The following PITX1 variants were observed in gnomAD, a reference collection of about 807,000 sequenced individuals.
PITX1 encodes paired like homeodomain 1, also known as pituitary homeobox 1.
In PITX1, 5 loss-of-function variants were observed where a neutral mutation model predicts 24.1. The ratio of observed to expected loss-of-function variants is 0.21; its 90% CI spans 0.11 to 0.44. The LOEUF (loss-of-function observed/expected upper bound fraction) is 0.44, where lower values mean the gene tolerates loss of function less well. PITX1 is among the 20% of genes least tolerant of loss of function. The pLI is 0.99. For missense variants in PITX1, 401 were observed against 455.4 expected, an observed-to-expected ratio of 0.88 and a Z score of 1.09; for synonymous variants, 213 against 208.9, an observed-to-expected ratio of 1.02 and a Z score of -0.17.
rs559073196 is a variant in PITX1, at chr5:135,032,995, G to A, written c.169+718C>T. 169 of 450,684 alleles carry A rather than the reference G, an allele frequency of 3.7e-4. 2 individuals are homozygous for A. Among genetic ancestry groups the A allele is most frequent in the African/African-American group, 2.9e-3 (142 of 49,630 alleles). The allele number at this position is 450,684 out of a possible 1,614,324, so 27.9% of individuals were successfully genotyped here. ...CACTGCCCGCGCCGGCCACCCGCGG[G>A]CCCAGTTCGCTGCTGGAAAAAAGCT... On this transcript the variant is annotated intron_variant, in intron 1 of 2. Coordinates refer to ENST00000265340, the MANE Select transcript of PITX1 (RefSeq NM_002653.5).
chr5:135,031,282 G>T lies in PITX1; in HGVS notation c.396C>A (p.Arg132=). The change falls in exon 2 of 3, where the codon CGC becomes CGA. Residue 132 remains arginine (R), a synonymous_variant. Coordinates refer to ENST00000265340, the MANE Select transcript of PITX1 (RefSeq NM_002653.5). ...GCGCGCACCCCTTGCTCACCCGCAC[G>T]CGCGGCTCGGTGAGGTTGGTCCACA... ...IAVWTNLTEP[R]VRVWFKNRRA... 6.2e-7 allele frequency: 1 copy of T among 1,613,884 alleles called. No homozygotes were observed. The highest frequency in any genetic ancestry group is 1.1e-5 in the South Asian group (1 of 91,084).
At position 135,033,606 on chromosome 5, in the gene PITX1, G is replaced by T; in HGVS notation, c.169+107C>A. 8.8e-7 allele frequency: 1 copy of T among 1,132,928 alleles called. No homozygotes were observed. Among genetic ancestry groups the T allele is most frequent in the Non-Finnish European group, 1.3e-6 (1 of 781,116 alleles). 70.2% of individuals were successfully genotyped at this position (1,132,928 alleles called of 1,614,324 possible). A position where few individuals can be genotyped will look rare whatever the true frequency, so the allele number is the denominator to read the frequency against. On this transcript the variant is annotated intron_variant, in intron 1 of 2. Coordinates refer to ENST00000265340, the MANE Select transcript of PITX1 (RefSeq NM_002653.5). This position sits in a 1 kb window ranked among gnomAD's most constrained non-coding sequence, Gnocchi z 5.9. Reference sequence around the variant, plus strand: ...AGAAAGCTCCTGACGCTTCTGGGGCGGAGAGGGAGCTTGGTTGCGCGGCGC... The same window carrying T: ...AGAAAGCTCCTGACGCTTCTGGGGCTGAGAGGGAGCTTGGTTGCGCGGCGC...
At chr5:135,034,735 C>T, upstream of PITX1, 1 of 152,490 alleles carries the variant, frequency 6.6e-6, no homozygotes, top group Non-Finnish European at 1.5e-5. Flanking sequence ...GAGCCCGGGG[C>T]CCGTTCCGGC....
In PITX1 at chr5:135,029,191, C is replaced by CCGG. The variant is rs757660279; in HGVS notation, c.530_532dup (p.Ala177dup). On this transcript the variant is annotated inframe_insertion, in exon 3 of 3. Transcript: ENST00000265340. ...GGCGGCCCAGTTGTTGTAGGAGTAG[C>CCGG]CGGCGGCGTACACGTCCTCGTAGGG... 6.2e-7 allele frequency: 1 copy of CCGG among 1,614,220 alleles called. No individual in the cohort carries two copies. Among genetic ancestry groups the CCGG allele is most frequent in the South Asian group, 1.1e-5 (1 of 91,088 alleles).
At chr5:135,029,848 G>T (rs533918415) in intron 2 of PITX1, among the ~76,000 whole-genome samples, 7 of 152,248 alleles carry the variant, frequency 4.6e-5, no homozygotes, top group South Asian at 4.2e-4. Flanking sequence ...CCACCCCACT[G>T]TCTGAACCTC....
rs1752516493 is a variant in PITX1, at chr5:135,033,977, G to C, written c.-96C>G. The C allele has an allele frequency of 3.7e-6, 3 of 818,444 alleles. No homozygotes were observed. The highest frequency in any genetic ancestry group is 3.8e-5 in the East Asian group (1 of 26,118). The allele number at this position is 818,444 out of a possible 1,614,324, so 50.7% of individuals were successfully genotyped here. On this transcript the variant is annotated 5_prime_UTR_variant, in exon 1 of 3. Coordinates refer to ENST00000265340, the MANE Select transcript of PITX1 (RefSeq NM_002653.5). The surrounding 1 kb of genome is among the most constrained non-coding windows in gnomAD (Gnocchi z 5.9). The stretch of plus-strand genomic sequence containing the variant: ...GCGGGGACAAGAGCGCAGCGCCTAA[G>C]CGGCTGCCCTCCAGGGCTGCCGGCG...
rs767928697 is a variant in PITX1 at position 135,028,772 on chromosome 5, G to T, written c.*7C>A. ...CGGCCGCCGGCCCGCGTGGTGCGGC[G>T]GGGCGGTCAGCTGTTGTACTGGCAC... On this transcript the variant is annotated 3_prime_UTR_variant, in exon 3 of 3. Coordinates refer to ENST00000265340, the MANE Select transcript of PITX1 (RefSeq NM_002653.5). 3.9e-6 allele frequency: 6 copies of T among 1,555,362 alleles called. No homozygotes were observed. The African/African-American group carries it at 6.8e-5, about 18-fold the overall frequency.
chr5:135,029,082 G>T lies in PITX1; in HGVS notation c.642C>A (p.Phe214Leu). The T allele has an allele frequency of 6.2e-7, 1 of 1,614,244 alleles. No homozygotes were observed. Among genetic ancestry groups the T allele is most frequent in the South Asian group, 1.1e-5 (1 of 91,084 alleles). Residue 214 changes from phenylalanine to leucine, a missense_variant, in exon 3 of 3, where the codon TTC (phenylalanine) becomes TTA (leucine). Transcript: ENST00000265340. Reference sequence around the variant, plus strand: ...TGGAGGAGATGGAGCTGGGTGCTGAGAACATGGACTGCGACGACAGCGGGC... The same window carrying T: ...TGGAGGAGATGGAGCTGGGTGCTGATAACATGGACTGCGACGACAGCGGGC... ...SMSPLSSQSM[F>L]SAPSSISSMT...
chr5:135,033,314 G>A lies in PITX1; in HGVS notation c.169+399C>T, dbSNP rs575525384. 4.0e-5 allele frequency: 11 copies of A among 276,022 alleles called. No homozygotes were observed. Among genetic ancestry groups the A allele is most frequent in the Admixed American group, 1.8e-4 (3 of 16,530 alleles). The allele number at this position is 276,022 out of a possible 1,614,324, so 17.1% of individuals were successfully genotyped here. A position where few individuals can be genotyped will look rare whatever the true frequency, so the allele number is the denominator to read the frequency against. On this transcript the variant is annotated intron_variant, in intron 1 of 2. Transcript: ENST00000265340. The surrounding 1 kb of genome is among the most constrained non-coding windows in gnomAD (Gnocchi z 5.9). ...TGTCACGGTGTTAACCTCCCTCTCT[G>A]TCTCTCTGAGTGCGTTCTCTCGCCC...
intron 2 of PITX1, 149 bp downstream of exon 2, chr5:135,031,127 A>C: frequency 1.5e-6 from 1 of 686,220 alleles, no homozygotes. Context: ...GCCAGGGCCT[A>C]AGGTGGGGAT....
intron 2 of PITX1, among the ~76,000 whole-genome samples, chr5:135,030,710 G>GA (rs1752432490): frequency 6.6e-6 from 1 of 152,208 alleles, no homozygotes. Flanking sequence ...GGAAAGGGCA[G>GA]AAGGCAAAGG....
rs1752391793 is a variant in PITX1, at chr5:135,028,599, C to G, written c.*180G>C. 1.9e-5 allele frequency: 3 copies of G among 160,746 alleles called. No homozygotes were observed. The highest frequency in any genetic ancestry group is 2.2e-5 in the Non-Finnish European group (2 of 89,476). The allele number at this position is 160,746 out of a possible 1,614,324, so 10.0% of individuals were successfully genotyped here. On this transcript the variant is annotated 3_prime_UTR_variant, in exon 3 of 3. Coordinates refer to ENST00000265340, the MANE Select transcript of PITX1 (RefSeq NM_002653.5). The stretch of plus-strand genomic sequence containing the variant: ...GTCTTTTTGGAGGGCAGAGTGGGGT[C>G]CGGAAAAGCAAACACAAAACCAACC...
chr5:135,031,409 C>T lies in PITX1; in HGVS notation c.269G>A (p.Arg90Gln). 6.2e-7 allele frequency: 1 copy of T among 1,614,068 alleles called. No individual in the cohort carries two copies. ...ADDPAKKKKQRRQRTHFTSQQ... is the reference protein window; with the variant it reads ...ADDPAKKKKQQRQRTHFTSQQ... ...GCTTGTGAAGTGCGTACGTTGCCGC[C>T]GCTGCTTCTTCTTCTTGGCTGGGTC... The change falls in exon 2 of 3, where the codon CGG becomes CAG. Residue 90 changes from arginine (R) to glutamine (Q), a missense_variant. By Grantham distance (43) the Arg-to-Gln change is conservative. Coordinates refer to ENST00000265340, the MANE Select transcript of PITX1 (RefSeq NM_002653.5).
Position 135,029,137 on chromosome 5 carries a change from G to T in PITX1, c.587C>A (p.Thr196Asn). Residue 196 changes from threonine to asparagine, a missense_variant, in exon 3 of 3, where the codon ACC becomes AAC. Around this residue, in one of 3 missense-constraint regions of PITX1, gnomAD observed 217 missense variants for 219.8 expected, o/e 0.99. Transcript: ENST00000265340. ...AKSLAPAPLS[T>N]KSFTFFNSMS... ...GGAGTTGAAGAAGGTGAAGCTCTTG[G>T]TGGAGAGCGGCGCTGGCGCCAGGCT... 1 of 1,614,258 alleles carries T rather than the reference G, an allele frequency of 6.2e-7. No individual in the cohort carries two copies. Among genetic ancestry groups the T allele is most frequent in the Non-Finnish European group, 8.5e-7 (1 of 1,180,036 alleles).
chr5:135,032,890 G>C (rs922715079), intron 1 of PITX1: 1 of 402,290 alleles, frequency 2.5e-6, no homozygotes, highest in Admixed American at 3.2e-5. Context: ...AGAAATGAAC[G>C]CAGAAGAGGC....
At chr5:135,031,663 C>G (rs1477126817) in intron 1 of PITX1, 155 bp from the exon 2 acceptor site, 2 of 644,906 alleles carry the variant, frequency 3.1e-6, no homozygotes, top group African/African-American at 1.8e-5. Context: ...AAAGCGCCCG[C>G]CGGGTGCTGG....
At position 135,027,816 on chromosome 5, in the gene PITX1, TACAC is replaced by T. The variant is rs1379365014; in HGVS notation, c.*959_*962del. On this transcript the variant is annotated 3_prime_UTR_variant, in exon 3 of 3. Coordinates refer to ENST00000265340, the MANE Select transcript of PITX1 (RefSeq NM_002653.5). ...CAGATTTATTACAGTCAGTCCAACA[TACAC>T]AGGGACGCTGTAAACAGGGGCGCGG... The T allele has an allele frequency of 6.5e-6, 1 of 152,866 alleles. No individual in the cohort carries two copies. The highest frequency in any genetic ancestry group is 1.5e-5 in the Non-Finnish European group (1 of 68,104). 9.5% of individuals were successfully genotyped at this position (152,866 alleles called of 1,614,324 possible). A position where few individuals can be genotyped will look rare whatever the true frequency, so the allele number is the denominator to read the frequency against.
rs1478622974 is a variant in PITX1, at chr5:135,028,252, G to T, written c.*527C>A. On this transcript the variant is annotated 3_prime_UTR_variant, in exon 3 of 3. Coordinates refer to ENST00000265340, the MANE Select transcript of PITX1 (RefSeq NM_002653.5). Reference sequence around the variant, plus strand: ...CTCGAGCTAAGGCGCTCTCGGCCGGGCCTAGCTCGGAGAGGGCAACTTGGT... The same window carrying T: ...CTCGAGCTAAGGCGCTCTCGGCCGGTCCTAGCTCGGAGAGGGCAACTTGGT... The T allele has an allele frequency of 6.6e-6, 1 of 152,344 alleles. No homozygotes were observed. Among genetic ancestry groups the T allele is most frequent in the African/African-American group, 2.4e-5 (1 of 41,472 alleles). The allele number at this position is 152,344 out of a possible 1,614,324, so 9.4% of individuals were successfully genotyped here.
chr5:135,029,306 G>T lies in PITX1; in HGVS notation c.418C>A (p.Arg140=), dbSNP rs1131611. Residue 140 remains arginine, a synonymous_variant, in exon 3 of 3, where the codon CGG becomes AGG. Coordinates refer to ENST00000265340, the MANE Select transcript of PITX1 (RefSeq NM_002653.5). ...EPRVRVWFKN[R]RAKWRKRERN... ...TCGCGCTTACGCCACTTGGCTCGCC[G>T]GTTCTTGAACCAGACCTGGGGGAGG... 0.13 allele frequency: 202,692 copies of T among 1,597,336 alleles called. 17,408 individuals are homozygous for T. The highest frequency in any genetic ancestry group is 0.43 in the African/African-American group (31,673 of 74,514).
Sources: gnomAD v4.1 joint callset for allele counts (sites outside exome capture counted in the v4.1 genomes callset) on GRCh38, gnomAD v4.1.1 for gene constraint, gnomAD v4.1.1 regional missense constraint, Gnocchi (gnomAD v3.1) non-coding constraint, MANE v1.5 for transcripts, NCBI Gene and HGNC (gene_info 2026-07-23, HGNC 2026-07-21) for gene names.